Variants in RBFOX1 observed in about 807,000 individuals in gnomAD.
RBFOX1 encodes RNA binding fox-1 homolog 1.
A neutral mutation model predicts 57.7 loss-of-function variants in RBFOX1; 8 were observed. The observed-to-expected ratio is 0.14, with a 90% confidence interval of 0.08 to 0.25. RBFOX1 has a LOEUF of 0.25. Among genes scored for constraint, RBFOX1 ranks in the 10% least tolerant of loss-of-function variants. RBFOX1 has a pLI of 1.00. For synonymous variants in RBFOX1, 326 were observed against 222.4 expected, an observed-to-expected ratio of 1.47 and a Z score of -4.15; for missense variants, 611 against 548.5, an observed-to-expected ratio of 1.11 and a Z score of -1.14.
intron 2 of RBFOX1, among the ~76,000 whole-genome samples, chr16:5,590,747 A>G (rs2046981188): frequency 6.6e-6 from 1 of 152,194 alleles, no homozygotes; most frequent in African/African-American, 2.4e-5. Context: ...TTCAGCTCAC[A>G]CAGATCAGTG....
At chr16:6,218,940 C>G (rs1045999096) in intron 1 of RBFOX1, among the ~76,000 whole-genome samples, 3 of 151,636 alleles carry the variant, frequency 2.0e-5, no homozygotes, top group African/African-American at 4.8e-5. Context: ...AGGGTATTAA[C>G]TGTGGTTTTC....
intron 4 of RBFOX1, among the ~76,000 whole-genome samples, chr16:7,213,999 G>A (rs1285540600): frequency 6.6e-6 from 1 of 152,046 alleles, no homozygotes; most frequent in African/African-American, 2.4e-5. Flanking sequence ...TGTCCTGATG[G>A]AGCAGGTGGG....
At chr16:7,095,585 G>T (rs2061558258) in intron 4 of RBFOX1, among the ~76,000 whole-genome samples, 1 of 152,298 alleles carries the variant, frequency 6.6e-6, no homozygotes, top group East Asian at 1.9e-4. Flanking sequence ...ACACAAAGAA[G>T]GGTCTGAGCT....
intron 3 of RBFOX1, among the ~76,000 whole-genome samples, chr16:5,692,485 A>G (rs1368634398): frequency 6.6e-6 from 1 of 152,124 alleles, no homozygotes; most frequent in East Asian, 1.9e-4. Context: ...AGCTCCAAAG[A>G]GCGCCTGAGT....
At chr16:6,945,443 C>A (rs1045286550) in intron 3 of RBFOX1, among the ~76,000 whole-genome samples, 17 of 150,876 alleles carry the variant, frequency 1.1e-4, no homozygotes, top group African/African-American at 3.9e-4. Flanking sequence ...CAGATTTTAT[C>A]GTTTTAAAGA....
chr16:6,017,862 A>G (rs966785851), upstream of RBFOX1, among the ~76,000 whole-genome samples: 11 of 152,180 alleles, frequency 7.2e-5, no homozygotes, highest in South Asian at 4.1e-4. Context: ...CCTGTTTTGG[A>G]AAGCTTACAG....
chr16:6,788,476 TA>T (rs2082339604), intron 3 of RBFOX1, among the ~76,000 whole-genome samples: 1 of 151,792 alleles, frequency 6.6e-6, no homozygotes, highest in Non-Finnish European at 1.5e-5. Flanking sequence ...ATTTATTTTT[TA>T]TTTTTTATTT....
intron 4 of RBFOX1, among the ~76,000 whole-genome samples, chr16:7,458,340 C>A (rs987469740): frequency 2.6e-5 from 4 of 152,270 alleles, no homozygotes; most frequent in Middle Eastern, 3.4e-3. Context: ...CTGGGCCAGT[C>A]CACTTTGTGC....
chr16:6,181,914 T>G (rs2097066217), intron 1 of RBFOX1, among the ~76,000 whole-genome samples: 1 of 36,768 alleles, frequency 2.7e-5, no homozygotes, highest in Admixed American at 4.1e-4. Context: ...ACATTTTGGC[T>G]CAGTTTCCAT....
chr16:6,742,753 A>G (rs886204156), intron 3 of RBFOX1, among the ~76,000 whole-genome samples: 18 of 152,226 alleles, frequency 1.2e-4, no homozygotes, highest in African/African-American at 4.3e-4. Flanking sequence ...TATAGACTAT[A>G]CAATGTCATT....
At chr16:5,602,907 T>C (rs887562517), downstream of RBFOX1, among the ~76,000 whole-genome samples, 1 of 152,246 alleles carries the variant, frequency 6.6e-6, no homozygotes, top group Non-Finnish European at 1.5e-5. Context: ...CCAGGAGAGC[T>C]GACGGCATAT....
intron 3 of RBFOX1, among the ~76,000 whole-genome samples, chr16:6,914,209 GT>G (rs2072489489): frequency 4.6e-5 from 7 of 152,218 alleles, no homozygotes; most frequent in Admixed American, 3.3e-4. Flanking sequence ...ACCTCACTGA[GT>G]TTAGCATATT....
chr16:6,725,760 C>T (rs964889915), intron 3 of RBFOX1, among the ~76,000 whole-genome samples: 2 of 152,088 alleles, frequency 1.3e-5, no homozygotes, highest in African/African-American at 4.8e-5. Context: ...ATAAATGAAC[C>T]AAAAATGTTG....
intron 5 of RBFOX1, among the ~76,000 whole-genome samples, chr16:7,553,366 A>C (rs2087211161): frequency 6.6e-6 from 1 of 152,132 alleles, no homozygotes; most frequent in African/African-American, 2.4e-5. Flanking sequence ...GCTGGTCTCA[A>C]ACTCCTGGCC....
chr16:7,026,322 C>T (rs554907278), intron 3 of RBFOX1, among the ~76,000 whole-genome samples: 22 of 152,278 alleles, frequency 1.4e-4, no homozygotes, highest in Non-Finnish European at 3.2e-4. Context: ...TTTTAATTAA[C>T]GGTTTAACTC....
chr16:5,545,029 T>C (rs928230223), intron 2 of RBFOX1, among the ~76,000 whole-genome samples: 3 of 130,720 alleles, frequency 2.3e-5, no homozygotes, highest in Admixed American at 8.3e-5. Context: ...CAGGCTGGAG[T>C]GTAGTGGAGC....
At chr16:7,235,345 C>G (rs1162342138) in intron 4 of RBFOX1, among the ~76,000 whole-genome samples, 1 of 152,120 alleles carries the variant, frequency 6.6e-6, no homozygotes, top group African/African-American at 2.4e-5. Context: ...ATTTTTGGCT[C>G]TTGGCTTAGA....
At chr16:6,824,553 A>T (rs546977028) in intron 3 of RBFOX1, among the ~76,000 whole-genome samples, 1 of 144,278 alleles carries the variant, frequency 6.9e-6, no homozygotes, top group Non-Finnish European at 1.5e-5. Flanking sequence ...ATTTTTCTTA[A>T]TAATAATCAT....
chr16:5,975,257 A>G (rs183923449), intron 4 of RBFOX1, among the ~76,000 whole-genome samples: 3 of 152,320 alleles, frequency 2.0e-5, no homozygotes, highest in East Asian at 1.9e-4. Context: ...CTGCATCGCT[A>G]TCCTGCACGG....
Sources: gnomAD v4.1 joint callset for allele counts (sites outside exome capture counted in the v4.1 genomes callset) on GRCh38, gnomAD v4.1.1 for gene constraint, MANE v1.5 for transcripts, NCBI Gene and HGNC (gene_info 2026-07-23, HGNC 2026-07-21) for gene names.